Variants in ADGRL2 observed in about 807,000 individuals in gnomAD.
ADGRL2 encodes the protein calcium-independent alpha-latrotoxin receptor 2.
A neutral mutation model predicts 157.4 loss-of-function variants in ADGRL2; 44 were observed. The ratio of observed to expected loss-of-function variants is 0.28; its 90% CI spans 0.22 to 0.36. The LOEUF (loss-of-function observed/expected upper bound fraction) is 0.36, where lower values mean the gene tolerates loss of function less well. Ranked by LOEUF, ADGRL2 falls within the 10% of genes least tolerant of loss-of-function variation. ADGRL2 has a pLI of 1.00. For synonymous variants in ADGRL2, 585 were observed against 624.7 expected (o/e 0.94, Z 0.95); for missense variants, 1,510 against 1,768.9 (o/e 0.85, Z 2.63).
chr1:81,317,130 A>G (rs1342601954), intron 1 of ADGRL2, among the ~76,000 whole-genome samples: 1 of 152,128 alleles, frequency 6.6e-6, no homozygotes, highest in Non-Finnish European at 1.5e-5. Flanking sequence ...TACTATGGGC[A>G]TCTAGTGGGG....
chr1:81,746,980 G>T (rs1465467322), intron 1 of ADGRL2, among the ~76,000 whole-genome samples: 1 of 140,716 alleles, frequency 7.1e-6, no homozygotes, highest in African/African-American at 2.7e-5. Context: ...GTATACACAC[G>T]TGTGTATATA....
chr1:81,936,864 C>A, intron 4 of ADGRL2, 27 bp downstream of exon 4: 3 of 1,370,098 alleles, frequency 2.2e-6, no homozygotes, highest in Non-Finnish European at 3.1e-6. Flanking sequence ...TATTTTTTTA[C>A]ACTTTGCCCA....
intron 1 of ADGRL2, among the ~76,000 whole-genome samples, chr1:81,712,133 A>G (rs1389914624): frequency 1.3e-5 from 2 of 152,086 alleles, no homozygotes; most frequent in Non-Finnish European, 2.9e-5. Flanking sequence ...TATGGTTTCT[A>G]TATGGCAACT....
intron 11 of ADGRL2, among the ~76,000 whole-genome samples, chr1:81,960,025 C>T (rs1558002086): frequency 6.6e-6 from 1 of 152,184 alleles, no homozygotes; most frequent in Non-Finnish European, 1.5e-5. Context: ...GTCTCACACT[C>T]CTGACCTAAG....
At chr1:81,865,474 TCTTCA>T (rs1447311397) in intron 2 of ADGRL2, among the ~76,000 whole-genome samples, 1 of 152,232 alleles carries the variant, frequency 6.6e-6, no homozygotes, top group Non-Finnish European at 1.5e-5. Context: ...AAAAATATCC[TCTTCA>T]CTTACCACCA....
chr1:81,324,156 G>A (rs1660722461), intron 1 of ADGRL2, among the ~76,000 whole-genome samples: 1 of 152,096 alleles, frequency 6.6e-6, no homozygotes, highest in Admixed American at 6.6e-5. Context: ...AGAGATGAAG[G>A]TCATTAGGCT....
chr1:81,483,225 T>G (rs1260778524), intron 2 of ADGRL2, among the ~76,000 whole-genome samples: 1 of 152,122 alleles, frequency 6.6e-6, no homozygotes, highest in South Asian at 2.1e-4. Context: ...TTTTTTAAAG[T>G]TCCAGTTTTA....
chr1:81,442,552 G>C (rs2077526663), intron 1 of ADGRL2, among the ~76,000 whole-genome samples: 1 of 152,146 alleles, frequency 6.6e-6, no homozygotes, highest in Non-Finnish European at 1.5e-5. Flanking sequence ...AATTAACCAA[G>C]AGCGGTGTGA....
At chr1:81,463,438 A>G (rs2077983135) in intron 2 of ADGRL2, among the ~76,000 whole-genome samples, 1 of 152,156 alleles carries the variant, frequency 6.6e-6, no homozygotes, top group Non-Finnish European at 1.5e-5. Context: ...TTTCTTCAAA[A>G]TACTTCTGGT....
intron 1 of ADGRL2, among the ~76,000 whole-genome samples, chr1:81,414,806 G>T (rs539829141): frequency 6.6e-6 from 1 of 152,268 alleles, no homozygotes; most frequent in Non-Finnish European, 1.5e-5. Context: ...TAAGGAGGAG[G>T]CTTATGTTAG....
In ADGRL2 at chr1:81,827,752, A is replaced by G. The variant is rs185407372; in HGVS notation, c.-100-9133A>G. ...GCTAATTTTTGCATTTTTAGTAGAG[A>G]TGGGATTTCACCAAGTTGTCCAGGC... On this transcript the variant is annotated intron_variant, in intron 1 of 23. Coordinates refer to ENST00000686636, the MANE Select transcript of ADGRL2 (RefSeq NM_001366006.2). Among the ~76,000 whole-genome samples, 32 of 152,064 alleles carry G rather than the reference A, an allele frequency of 2.1e-4. 1 individual carries two copies. In the East Asian group the frequency reaches 3.7e-3, roughly 18 times the overall value.
chr1:81,723,127 T>A (rs958532691), intron 1 of ADGRL2: 2 of 655,212 alleles, frequency 3.1e-6, no homozygotes, highest in Non-Finnish European at 5.5e-6. Context: ...GATTACCTTA[T>A]GGATGTCGCA....
intron 11 of ADGRL2, among the ~76,000 whole-genome samples, chr1:81,962,241 G>T (rs957229755): frequency 6.6e-6 from 1 of 151,996 alleles, no homozygotes; most frequent in Non-Finnish European, 1.5e-5. Context: ...AATTGGTTAC[G>T]TTATTGTTTT....
intron 2 of ADGRL2, among the ~76,000 whole-genome samples, chr1:81,461,017 G>A (rs1204875044): frequency 1.3e-5 from 2 of 152,188 alleles, no homozygotes; most frequent in African/African-American, 4.8e-5. Context: ...TCAAATATTA[G>A]TACAGGCAGA....
intron 3 of ADGRL2, among the ~76,000 whole-genome samples, chr1:81,647,284 T>A (rs1022820384): frequency 1.3e-5 from 2 of 152,198 alleles, no homozygotes; most frequent in Non-Finnish European, 2.9e-5. Flanking sequence ...GAATTTTGAA[T>A]GTGATGAGAC....
intron 1 of ADGRL2, among the ~76,000 whole-genome samples, chr1:81,393,817 GCT>G (rs765707830): frequency 8.6e-5 from 4 of 46,780 alleles, no homozygotes; most frequent in Non-Finnish European, 1.9e-4. Context: ...CTATTGCCTT[GCT>G]TTTTTTTTTT....
chr1:81,384,970 C>A (rs1219814771), intron 1 of ADGRL2, among the ~76,000 whole-genome samples: 1 of 152,250 alleles, frequency 6.6e-6, no homozygotes, highest in East Asian at 1.9e-4. Context: ...TCAATTTGAA[C>A]ACCATTACCT....
intron 3 of ADGRL2, among the ~76,000 whole-genome samples, chr1:81,650,574 C>CAAAAAAA (rs1180168819): frequency 9.6e-5 from 6 of 62,254 alleles, no homozygotes; most frequent in Non-Finnish European, 1.3e-4. Flanking sequence ...GACTCCATCT[C>CAAAAAAA]AAAAAAAAAA....
intron 1 of ADGRL2, among the ~76,000 whole-genome samples, chr1:81,390,531 C>G (rs1341594865): frequency 6.6e-6 from 1 of 151,274 alleles, no homozygotes; most frequent in Non-Finnish European, 1.5e-5. Flanking sequence ...CAGGAAAGCT[C>G]AAATAGCATG....
Sources: gnomAD v4.1 joint callset for allele counts (sites outside exome capture counted in the v4.1 genomes callset) on GRCh38, gnomAD v4.1.1 for gene constraint, MANE v1.5 for transcripts, NCBI Gene and HGNC (gene_info 2026-07-23, HGNC 2026-07-21) for gene names.